SUMF1: variants seen among roughly 807,000 people sequenced by gnomAD.
The protein encoded by SUMF1 is formylglycine-generating enzyme.
SUMF1 carries 48 observed loss-of-function variants against 47.6 expected under a neutral mutation model. The ratio of observed to expected loss-of-function variants is 1.01; its 90% confidence interval spans 0.80 to 1.28. SUMF1 has a LOEUF of 1.28. SUMF1 is among the 50% of genes most tolerant of loss of function. The probability of loss-of-function intolerance (pLI) is 0.00; values close to 1 mark genes in which losing one functional copy is unlikely to be tolerated. For missense variants in SUMF1, 571 were observed against 485.4 expected, an observed-to-expected ratio of 1.18 and a Z score of -1.66; for synonymous variants, 230 against 192.1, an observed-to-expected ratio of 1.20 and a Z score of -1.63.
In SUMF1 at chr3:4,037,133, A is replaced by T. The variant is rs571548825; in HGVS notation, c.1191+31436T>A. Among the ~76,000 whole-genome samples, 120 of 152,354 alleles carry T rather than the reference A, an allele frequency of 7.9e-4. 1 individual carries two copies. Among genetic ancestry groups the T allele is most frequent in the Non-Finnish European group, 1.1e-3 (74 of 68,032 alleles). On this transcript the variant is annotated intron_variant and NMD_transcript_variant, in intron 9 of 12. Transcript: ENST00000448413. ...CTAAGACTAAGATCTAGTCAAATAC[A>T]TTGAGAGAAGAGTGATCTATTGGCA...
chr3:4,184,548 G>A (rs1695161522), intron 8 of SUMF1, among the ~76,000 whole-genome samples: 1 of 152,000 alleles, frequency 6.6e-6, no homozygotes, highest in Non-Finnish European at 1.5e-5. Flanking sequence ...GATCTTGAAG[G>A]TCATTTCAAC....
At chr3:4,414,851 G>C (rs1222704838) in intron 6 of SUMF1, 2 of 152,220 alleles carry the variant, frequency 1.3e-5, no homozygotes, top group African/African-American at 4.8e-5. Flanking sequence ...AACTGTAGCT[G>C]CAAGTGCTGT....
At chr3:4,140,648 G>T (rs757181485) in intron 8 of SUMF1, among the ~76,000 whole-genome samples, 1 of 151,524 alleles carries the variant, frequency 6.6e-6, no homozygotes, top group Admixed American at 6.6e-5. Context: ...CCTAATTTTT[G>T]TACTTACTTC....
chr3:4,104,286 T>G (rs576163037), intron 8 of SUMF1, among the ~76,000 whole-genome samples: 4 of 152,224 alleles, frequency 2.6e-5, no homozygotes, highest in Non-Finnish European at 5.9e-5. Context: ...AAGATGTGCC[T>G]TTCACCTTCT....
At chr3:4,353,771 A>T (rs1377588023) in intron 8 of SUMF1, among the ~76,000 whole-genome samples, 1 of 152,110 alleles carries the variant, frequency 6.6e-6, no homozygotes, top group Non-Finnish European at 1.5e-5. Flanking sequence ...GCTGAGCTAG[A>T]TAAAACCTCC....
intron 8 of SUMF1, among the ~76,000 whole-genome samples, chr3:4,351,862 C>G (rs143598995): frequency 1.3e-3 from 196 of 152,350 alleles, no homozygotes; most frequent in African/African-American, 4.3e-3. Flanking sequence ...TCCCTCTATA[C>G]TGACTGCTTT....
intron 8 of SUMF1, among the ~76,000 whole-genome samples, chr3:4,211,656 C>A (rs888808810): frequency 3.9e-5 from 6 of 152,142 alleles, no homozygotes; most frequent in South Asian, 2.1e-4. Flanking sequence ...CCAAAAGATG[C>A]CATTAGACTA....
At chr3:4,107,524 G>A (rs1306062647) in intron 8 of SUMF1, among the ~76,000 whole-genome samples, 2 of 152,110 alleles carry the variant, frequency 1.3e-5, no homozygotes, top group Non-Finnish European at 2.9e-5. Flanking sequence ...TTTAGTAGGT[G>A]TTTATTTGAT....
intron 8 of SUMF1, among the ~76,000 whole-genome samples, chr3:4,262,763 G>A (rs1251474973): frequency 6.6e-6 from 1 of 152,158 alleles, no homozygotes; most frequent in African/African-American, 2.4e-5. Flanking sequence ...CCATAGCCAG[G>A]GTGATGCAAC....
chr3:4,402,750 G>A (rs1369256810), intron 7 of SUMF1, among the ~76,000 whole-genome samples: 2 of 152,144 alleles, frequency 1.3e-5, no homozygotes. Flanking sequence ...AAAATCTCAT[G>A]GAGAGTTGAG....
chr3:4,190,555 G>C (rs755426780), intron 8 of SUMF1, among the ~76,000 whole-genome samples: 5 of 151,996 alleles, frequency 3.3e-5, no homozygotes, highest in Non-Finnish European at 5.9e-5. Flanking sequence ...AGTGACCCAT[G>C]ATAAAAATAA....
chr3:4,441,164 G>A (rs932386877), intron 3 of SUMF1, among the ~76,000 whole-genome samples: 2 of 152,138 alleles, frequency 1.3e-5, no homozygotes, highest in African/African-American at 4.8e-5. Flanking sequence ...TACCACCTGA[G>A]CTCTGCCTCC....
intron 8 of SUMF1, among the ~76,000 whole-genome samples, chr3:4,166,837 G>A (rs1694718189): frequency 6.6e-6 from 1 of 152,094 alleles, no homozygotes; most frequent in South Asian, 2.1e-4. Flanking sequence ...AGGAAAAGCA[G>A]AAGCTGGTTC....
intron 8 of SUMF1, among the ~76,000 whole-genome samples, chr3:4,129,287 T>C (rs965496258): frequency 6.6e-6 from 1 of 152,086 alleles, no homozygotes; most frequent in Admixed American, 6.6e-5. Flanking sequence ...AAAGGCATAG[T>C]GGGTGTACCT....
intron 8 of SUMF1, among the ~76,000 whole-genome samples, chr3:4,107,699 T>C (rs756318580): frequency 2.0e-5 from 3 of 152,044 alleles, no homozygotes; most frequent in Admixed American, 6.6e-5. Context: ...ATGTCGGTAA[T>C]AGCAGCACTT....
chr3:4,261,548 G>A (rs538113062), intron 8 of SUMF1, among the ~76,000 whole-genome samples: 1 of 152,310 alleles, frequency 6.6e-6, no homozygotes, highest in South Asian at 2.1e-4. Flanking sequence ...ATAAGGATCT[G>A]TTATCCCAGG....
At chr3:4,380,082 C>T (rs1700455034) in intron 7 of SUMF1, among the ~76,000 whole-genome samples, 1 of 152,174 alleles carries the variant, frequency 6.6e-6, no homozygotes, top group African/African-American at 2.4e-5. Flanking sequence ...TATACCACAG[C>T]AGGAAGAGCG....
At chr3:4,241,513 C>G (rs1386722822) in intron 8 of SUMF1, among the ~76,000 whole-genome samples, 5 of 152,122 alleles carry the variant, frequency 3.3e-5, no homozygotes, top group African/African-American at 1.2e-4. Flanking sequence ...ATAATACCAG[C>G]TGTGTCTCTT....
At chr3:4,240,077 T>A (rs1168357108) in intron 8 of SUMF1, among the ~76,000 whole-genome samples, 2 of 152,220 alleles carry the variant, frequency 1.3e-5, no homozygotes, top group African/African-American at 4.8e-5. Flanking sequence ...TGTTTATTGA[T>A]TTGTATATGT....
Sources: gnomAD v4.1 joint callset for allele counts (sites outside exome capture counted in the v4.1 genomes callset) on GRCh38, gnomAD v4.1.1 for gene constraint, MANE v1.5 for transcripts, NCBI Gene and HGNC (gene_info 2026-07-23, HGNC 2026-07-21) for gene names.